The following FCAMR variants were observed in gnomAD, a reference collection of about 807,000 sequenced individuals.
FCAMR encodes the protein Fc alpha and mu receptor, also known as high affinity immunoglobulin alpha and immunoglobulin mu Fc receptor.
FCAMR carries 51 observed loss-of-function variants against 52.2 expected under a neutral mutation model. The observed-to-expected ratio is 0.98, with a 90% confidence interval of 0.78 to 1.23. FCAMR has a LOEUF of 1.23. FCAMR is among the 50% of genes most tolerant of loss of function. The pLI is 0.00. For missense variants in FCAMR, 719 were observed against 712.6 expected (o/e 1.01, Z -0.10); for synonymous variants, 282 against 262.0 (o/e 1.08, Z -0.74).
intron 1 of FCAMR, among the ~76,000 whole-genome samples, chr1:206,968,281 G>A (rs570150962): frequency 5.3e-5 from 8 of 152,344 alleles, no homozygotes; most frequent in South Asian, 2.1e-4. Context: ...AGAGGTTGCA[G>A]TGAGCCCGTG....
chr1:206,969,920 G>C (rs546300265), intron 1 of FCAMR, among the ~76,000 whole-genome samples, 167 bp downstream of exon 1: 1 of 152,260 alleles, frequency 6.6e-6, no homozygotes, highest in South Asian at 2.1e-4. Flanking sequence ...AGGGAGCTGA[G>C]AGGGAGCCCC....
rs1680340000 is a variant in FCAMR at position 206,958,355 on chromosome 1, G to A, written c.*161C>T. 1.3e-6 allele frequency: 1 copy of A among 760,306 alleles called. No homozygotes were observed. Among genetic ancestry groups the A allele is most frequent in the African/African-American group, 1.8e-5 (1 of 56,504 alleles). The allele number at this position is 760,306 out of a possible 1,614,324, so 47.1% of individuals were successfully genotyped here. ...ACGTGGATAATGCTTGACTTTCTTG[G>A]GCCCAAGGACAGCCAGCCTTTCTTC... On this transcript the variant is annotated 3_prime_UTR_variant, in exon 8 of 8. Coordinates refer to ENST00000324852, the MANE Select transcript of FCAMR (RefSeq NM_001170631.2).
chr1:206,963,780 C>A (rs1190677913), intron 4 of FCAMR, among the ~76,000 whole-genome samples: 1 of 152,114 alleles, frequency 6.6e-6, no homozygotes, highest in South Asian at 2.1e-4. Context: ...GCTTTCTGGG[C>A]ATGGCAGATG....
Position 206,962,539 on chromosome 1 carries a change from A to G in FCAMR, c.326T>C (p.Leu109Ser). The G allele has an allele frequency of 6.4e-7, 1 of 1,560,978 alleles. No individual in the cohort carries two copies. Among genetic ancestry groups the G allele is most frequent in the Non-Finnish European group, 8.7e-7 (1 of 1,149,106 alleles). ...CCCTGACACCAGCCTTGAGCCCTTC[A>G]ATGAATTTGGAGCTGCAGACAGAGA... ...EESSFAAPNSLKGSRLVSGEP... is the reference protein window; with the variant it reads ...EESSFAAPNSSKGSRLVSGEP... The change falls in exon 5 of 8, where the codon TTG becomes TCG. Residue 109 changes from leucine to serine, a missense_variant. Leu to Ser is a moderately radical substitution (Grantham distance 145). Coordinates refer to ENST00000324852, the MANE Select transcript of FCAMR (RefSeq NM_001170631.2).
chr1:206,963,759 C>A (rs1680598407), intron 4 of FCAMR, among the ~76,000 whole-genome samples: 1 of 152,200 alleles, frequency 6.6e-6, no homozygotes, highest in African/African-American at 2.4e-5. Context: ...CAGTTGTGAT[C>A]TGCCCTTGGT....
At position 206,960,678 on chromosome 1, in the gene FCAMR, G is replaced by C. The variant is rs758598052; in HGVS notation, c.1198C>G (p.Gln400Glu). 1.7e-5 allele frequency: 27 copies of C among 1,552,012 alleles called. No individual in the cohort carries two copies. The highest frequency in any genetic ancestry group is 2.4e-5 in the Non-Finnish European group (27 of 1,147,100). ...ILPQATPVSKQQSQGSIGETT... is the reference protein window; with the variant it reads ...ILPQATPVSKEQSQGSIGETT... ...TCTCCAATGGAACCCTGAGATTGTT[G>C]CTTAGAAACTGGCGTTGCTTGTGGG... Residue 400 changes from glutamine to glutamate, a missense_variant, in exon 6 of 8, where the codon CAA becomes GAA. Gln to Glu is a conservative substitution (Grantham distance 29, BLOSUM62 2). Coordinates refer to ENST00000324852, the MANE Select transcript of FCAMR (RefSeq NM_001170631.2).
intron 4 of FCAMR, among the ~76,000 whole-genome samples, chr1:206,963,768 G>A (rs2102622700): frequency 6.6e-6 from 1 of 152,254 alleles, no homozygotes; most frequent in Middle Eastern, 3.4e-3. Flanking sequence ...TCTGCCCTTG[G>A]TGCTTTCTGG....
In FCAMR at chr1:206,960,814, C is replaced by T. The variant is rs1233927377; in HGVS notation, c.1062G>A (p.Arg354=). ...RREMTTTKAD[R]PREDIEGVRI... ...TGACCCCCTCTATGTCCTCCCTTGG[C>T]CTATCAGCCTTGGTAGTTGTCATCT... Residue 354 remains arginine, a synonymous_variant, in exon 6 of 8, where the codon AGG becomes AGA. Transcript: ENST00000324852. 1 of 1,552,426 alleles carries T rather than the reference C, an allele frequency of 6.4e-7. No individual in the cohort carries two copies. Among genetic ancestry groups the T allele is most frequent in the East Asian group, 2.4e-5 (1 of 40,920 alleles).
rs745380215 is a variant in FCAMR, at chr1:206,960,963, G to T, written c.913C>A (p.Pro305Thr). 7.7e-6 allele frequency: 12 copies of T among 1,551,876 alleles called. No homozygotes were observed. In the African/African-American group the frequency reaches 1.6e-4, roughly 21 times the overall value. ...GGTGGACTCTCTGGAATCGGAGCAGGTGCTTTGACAGAACCCTCTGCCCAG... is the reference window on the plus strand; with the variant it reads ...GGTGGACTCTCTGGAATCGGAGCAGTTGCTTTGACAGAACCCTCTGCCCAG... ...GSWAEGSVKAPAPIPESPPSK... is the reference protein window; with the variant it reads ...GSWAEGSVKATAPIPESPPSK... The change falls in exon 6 of 8, where the codon CCT becomes ACT. Residue 305 changes from proline (P) to threonine (T), a missense_variant. By Grantham distance (38) the Pro-to-Thr change is conservative. Coordinates refer to ENST00000324852, the MANE Select transcript of FCAMR (RefSeq NM_001170631.2).
chr1:206,969,820 G>A (rs997030389), intron 1 of FCAMR, among the ~76,000 whole-genome samples: 23 of 152,168 alleles, frequency 1.5e-4, no homozygotes, highest in Admixed American at 7.2e-4. Context: ...CATGTTCTCC[G>A]TGTTTCTTCT....
intron 1 of FCAMR, among the ~76,000 whole-genome samples, 190 bp from the exon 2 acceptor site, chr1:206,967,841 AC>A (rs1435860736): frequency 6.6e-6 from 1 of 151,970 alleles, no homozygotes; most frequent in Non-Finnish European, 1.5e-5. Flanking sequence ...ACTGACCTTC[AC>A]CCCACTGTGG....
rs775758372 is a variant in FCAMR, at chr1:206,958,554, C to T, written c.1696G>A (p.Ala566Thr). 9 of 1,612,974 alleles carry T rather than the reference C, an allele frequency of 5.6e-6. No homozygotes were observed. Among genetic ancestry groups the T allele is most frequent in the Non-Finnish European group, 7.6e-6 (9 of 1,179,862 alleles). The change falls in exon 8 of 8, where the codon GCC (alanine) becomes ACC (threonine). Residue 566 changes from alanine (A) to threonine (T), a missense_variant. Physicochemically the swap from Ala to Thr is moderately conservative, Grantham distance 58. Coordinates refer to ENST00000324852, the MANE Select transcript of FCAMR (RefSeq NM_001170631.2). ...MLQDDSLPAG[A>T]SLTAPERNPG... is the part of the protein sequence containing the mutation. The stretch of plus-strand genomic sequence containing the variant: ...TTTCTCTCTGGGGCAGTCAGGCTGG[C>T]CCCAGCAGGAAGAGAGTCATCCTGG...
At chr1:206,958,718 A>T (rs1000748260) in intron 7 of FCAMR, 42 bp from the exon 8 acceptor site, 2 of 1,613,030 alleles carry the variant, frequency 1.2e-6, no homozygotes, top group African/African-American at 2.7e-5. Context: ...CTGGGTAAGG[A>T]CAGCACTGAC....
chr1:206,967,047 C>T lies in FCAMR; in HGVS notation c.169+5G>A, dbSNP rs1680742590. Reference sequence around the variant, plus strand: ...CCCTGAACCTGGGCTGGGTTTGGGACTCACCTTGTAGCAGGCACAGTATGA... The same window carrying T: ...CCCTGAACCTGGGCTGGGTTTGGGATTCACCTTGTAGCAGGCACAGTATGA... On this transcript the variant is annotated splice_donor_5th_base_variant and intron_variant, in intron 3 of 7. Transcript: ENST00000324852. The T allele has an allele frequency of 1.2e-6, 2 of 1,613,674 alleles. No homozygotes were observed. Among genetic ancestry groups the T allele is most frequent in the South Asian group, 2.2e-5 (2 of 91,064 alleles).
At chr1:206,962,587 G>A (rs1680556610) in intron 4 of FCAMR, 36 bp from the exon 5 acceptor site, 2 of 1,470,080 alleles carry the variant, frequency 1.4e-6, no homozygotes, top group African/African-American at 1.4e-5. Context: ...GAGAGGAAGT[G>A]GTGAGCATAG....
In FCAMR at chr1:206,960,914, T is replaced by G; in HGVS notation, c.962A>C (p.Asn321Thr). Residue 321 changes from asparagine to threonine, a missense_variant, in exon 6 of 8, where the codon AAT (asparagine) becomes ACT (threonine). Coordinates refer to ENST00000324852, the MANE Select transcript of FCAMR (RefSeq NM_001170631.2). The stretch of plus-strand genomic sequence containing the variant: ...GCCCTCCCAAACACCTTCTGTTGTA[T>G]TGGACATGCTTCTGCTCTTTGAAGG... ...SPPSKSRSMS[N>T]TTEGVWEGTR... 6.4e-7 allele frequency: 1 copy of G among 1,552,344 alleles called. No homozygotes were observed. Among genetic ancestry groups the G allele is most frequent in the Admixed American group, 2.0e-5 (1 of 51,008 alleles).
At chr1:206,969,345 G>A in intron 1 of FCAMR, 1 of 455,552 alleles carries the variant, frequency 2.2e-6, no homozygotes, top group South Asian at 1.6e-5. Context: ...GGAGTTATCA[G>A]CTTTGATTGG....
Position 206,960,535 on chromosome 1 carries a change from G to A in FCAMR, c.1341C>T (p.Ser447=), listed in dbSNP as rs538908309. The change falls in exon 6 of 8, where the codon AGC becomes AGT. Residue 447 remains serine (S), a synonymous_variant. Coordinates refer to ENST00000324852, the MANE Select transcript of FCAMR (RefSeq NM_001170631.2). ...TSMEAASGEG[S]AAGDLDAATG... ...TGGCAGCATCTAGGTCCCCTGCAGC[G>A]CTTCCTTCCCCAGATGCTGCCTCCA... 9.0e-6 allele frequency: 14 copies of A among 1,551,718 alleles called. No individual in the cohort carries two copies. Among genetic ancestry groups the A allele is most frequent in the Middle Eastern group, 1.7e-4 (1 of 5,984 alleles).
At chr1:206,968,889 G>A (rs1291750780) in intron 1 of FCAMR, among the ~76,000 whole-genome samples, 1 of 152,150 alleles carries the variant, frequency 6.6e-6, no homozygotes, top group Non-Finnish European at 1.5e-5. Flanking sequence ...TCTCCACTAA[G>A]GCCTTTCCCT....
Sources: allele counts gnomAD v4.1 joint callset (sites outside exome capture counted in the v4.1 genomes callset), GRCh38; gene constraint gnomAD v4.1.1; transcripts MANE v1.5; gene names NCBI Gene and HGNC (gene_info 2026-07-23, HGNC 2026-07-21).